TBC1D32: variants seen among roughly 807,000 people sequenced by gnomAD.
TBC1D32 encodes protein broad-minded.
Under a neutral mutation model 170.3 loss-of-function variants are expected in TBC1D32, and 151 were observed. The observed-to-expected ratio is 0.89, with a 90% confidence interval of 0.78 to 1.01. TBC1D32 has a LOEUF of 1.01. Ranked by LOEUF, TBC1D32 falls within the 50% of genes least tolerant of loss-of-function variation. The pLI, the probability that TBC1D32 is intolerant of heterozygous loss-of-function variation, is 0.00. For synonymous variants in TBC1D32, 498 were observed against 488.0 expected (o/e 1.02, Z -0.27); for missense variants, 1,464 against 1,457.1 (o/e 1.00, Z -0.08).
intron 21 of TBC1D32, among the ~76,000 whole-genome samples, chr6:121,209,116 A>T (rs1792713451): frequency 7.2e-6 from 1 of 139,598 alleles, no homozygotes; most frequent in Admixed American, 7.5e-5. Context: ...AACAACCCTG[A>T]GATGAAAATA....
At chr6:121,108,287 T>C (rs1392017829) in intron 29 of TBC1D32, among the ~76,000 whole-genome samples, 1 of 152,064 alleles carries the variant, frequency 6.6e-6, no homozygotes, top group Non-Finnish European at 1.5e-5. Context: ...TTCTGAATCA[T>C]CAAATGATAA....
chr6:121,243,979 A>G (rs1797303828), intron 17 of TBC1D32, among the ~76,000 whole-genome samples: 1 of 152,032 alleles, frequency 6.6e-6, no homozygotes, highest in East Asian at 1.9e-4. Flanking sequence ...CCTTCCACTT[A>G]CTTTCCTCTA....
chr6:121,333,003 G>A (rs1385950958), intron 1 of TBC1D32, among the ~76,000 whole-genome samples: 1 of 152,118 alleles, frequency 6.6e-6, no homozygotes, highest in African/African-American at 2.4e-5. Context: ...AGTGAAAACT[G>A]TAAATACTCC....
intron 20 of TBC1D32, among the ~76,000 whole-genome samples, chr6:121,230,660 T>C (rs1384740372): frequency 2.8e-5 from 4 of 141,340 alleles, no homozygotes; most frequent in Admixed American, 6.9e-5. Flanking sequence ...TATATATACA[T>C]ATATACACAC....
At chr6:121,087,909 C>A (rs1582706700) in intron 31 of TBC1D32, among the ~76,000 whole-genome samples, 1 of 150,488 alleles carries the variant, frequency 6.6e-6, no homozygotes, top group East Asian at 2.0e-4. Context: ...ATAATCTATA[C>A]AAGAATATTA....
chr6:121,182,970 A>G (rs950527216), intron 22 of TBC1D32, among the ~76,000 whole-genome samples: 3 of 152,044 alleles, frequency 2.0e-5, no homozygotes, highest in African/African-American at 7.2e-5. Flanking sequence ...TTTAAAGTAA[A>G]TTTATATAAA....
intron 21 of TBC1D32, among the ~76,000 whole-genome samples, chr6:121,207,512 A>C (rs923586080): frequency 3.3e-5 from 5 of 152,182 alleles, no homozygotes; most frequent in Admixed American, 6.5e-5. Flanking sequence ...ATTTTTTCAA[A>C]GAAGAAGATT....
At chr6:121,216,181 CA>C (rs1218828393) in intron 21 of TBC1D32, among the ~76,000 whole-genome samples, 3 of 152,200 alleles carry the variant, frequency 2.0e-5, no homozygotes, top group African/African-American at 7.2e-5. Context: ...AAATATAAAG[CA>C]GGCAGAAAAA....
chr6:121,100,917 C>A (rs542699010), intron 30 of TBC1D32, among the ~76,000 whole-genome samples: 1 of 152,018 alleles, frequency 6.6e-6, no homozygotes, highest in Non-Finnish European at 1.5e-5. Context: ...CAACACCGAT[C>A]CCACAGAAAT....
intron 22 of TBC1D32, among the ~76,000 whole-genome samples, chr6:121,191,151 G>C (rs1190563463): frequency 6.6e-6 from 1 of 151,718 alleles, no homozygotes; most frequent in Non-Finnish European, 1.5e-5. Flanking sequence ...ACATATATTT[G>C]GATATATACA....
chr6:121,302,928 A>C (rs958672700), intron 9 of TBC1D32, among the ~76,000 whole-genome samples: 2 of 152,190 alleles, frequency 1.3e-5, no homozygotes, highest in Non-Finnish European at 2.9e-5. Flanking sequence ...GCTGAAGAGT[A>C]AATGAATGCC....
In TBC1D32 at chr6:121,292,212, A is replaced by T. The variant is rs764299507; in HGVS notation, c.1232-19T>A. 1 of 1,569,704 alleles carries T rather than the reference A, an allele frequency of 6.4e-7. No homozygotes were observed. ...TTGTTTCCTTAAAAGAGAAGCAAAC[A>T]CGAATATTTATTTAGTATCATTATA... On this transcript the variant is annotated intron_variant, in intron 11 of 31. Transcript: ENST00000398212.
chr6:121,196,721 G>T (rs920516359), intron 22 of TBC1D32, among the ~76,000 whole-genome samples: 9 of 152,156 alleles, frequency 5.9e-5, no homozygotes, highest in Non-Finnish European at 1.3e-4. Flanking sequence ...GGGTGGAATG[G>T]CCTTTTGAAG....
intron 22 of TBC1D32, among the ~76,000 whole-genome samples, chr6:121,177,960 T>C (rs564072768): frequency 6.6e-6 from 1 of 152,220 alleles, no homozygotes; most frequent in East Asian, 1.9e-4. Context: ...CAAGACTGGG[T>C]AATTTATAAA....
chr6:121,235,008 C>G (rs1046732522), intron 20 of TBC1D32, among the ~76,000 whole-genome samples: 3 of 151,216 alleles, frequency 2.0e-5, no homozygotes, highest in African/African-American at 4.8e-5. Flanking sequence ...GCAGAGCTAC[C>G]GGGCTCTGGG....
chr6:121,126,017 T>A (rs574114997), intron 26 of TBC1D32, among the ~76,000 whole-genome samples: 181 of 152,326 alleles, frequency 1.2e-3, no homozygotes, highest in Admixed American at 3.1e-3. Context: ...AGTAGATCTT[T>A]GAGTGAACGA....
At chr6:121,205,005 T>A (rs923170322) in intron 22 of TBC1D32, 70 bp downstream of exon 22, 3 of 844,120 alleles carry the variant, frequency 3.6e-6, no homozygotes, top group Admixed American at 2.9e-5. Context: ...TTTTTTAAAG[T>A]ATACAGGACA....
intron 21 of TBC1D32, among the ~76,000 whole-genome samples, chr6:121,220,813 G>A (rs189775219): frequency 6.6e-6 from 1 of 151,634 alleles, no homozygotes; most frequent in Admixed American, 6.6e-5. Context: ...GCTAATTTTT[G>A]TATTTTTACT....
intron 1 of TBC1D32, among the ~76,000 whole-genome samples, chr6:121,330,740 C>T (rs1811111392): frequency 6.6e-6 from 1 of 152,126 alleles, no homozygotes; most frequent in Non-Finnish European, 1.5e-5. Flanking sequence ...GGGGACTAAG[C>T]ATCAGTATTT....
Sources: gnomAD v4.1 joint callset for allele counts (sites outside exome capture counted in the v4.1 genomes callset) on GRCh38, gnomAD v4.1.1 for gene constraint, MANE v1.5 for transcripts, NCBI Gene and HGNC (gene_info 2026-07-23, HGNC 2026-07-21) for gene names.